The following SLC24A2 variants were observed in gnomAD, a reference collection of about 807,000 sequenced individuals.
SLC24A2 encodes sodium/potassium/calcium exchanger 2.
Under a neutral mutation model 62.0 loss-of-function variants are expected in SLC24A2, and 36 were observed. The observed-to-expected ratio is 0.58, with a 90% CI of 0.44 to 0.77. The LOEUF (loss-of-function observed/expected upper bound fraction) is 0.77, where lower values mean the gene tolerates loss of function less well. SLC24A2 is among the 30% of genes least tolerant of loss of function. SLC24A2 has a pLI of 0.00. For synonymous variants in SLC24A2, 358 were observed against 294.0 expected (o/e 1.22, Z -2.23); for missense variants, 846 against 817.9 (o/e 1.03, Z -0.42).
At chr9:20,277,737 T>G in the SLC24A2 span, among the ~76,000 whole-genome samples, 1 of 152,186 alleles carries the variant, frequency 6.6e-6, no homozygotes, top group East Asian at 1.9e-4. Context: ...CCATTACTGG[T>G]ATATACCCGA....
At chr9:19,573,801 T>G (rs1213236603) in intron 6 of SLC24A2, among the ~76,000 whole-genome samples, 1 of 152,160 alleles carries the variant, frequency 6.6e-6, no homozygotes, top group African/African-American at 2.4e-5. Flanking sequence ...TCCCATGATA[T>G]GCCTTTCTTG....
the SLC24A2 span, among the ~76,000 whole-genome samples, chr9:20,102,499 G>A: frequency 1.3e-5 from 2 of 151,410 alleles, no homozygotes; most frequent in African/African-American, 2.4e-5. Flanking sequence ...TGAGGGGGTG[G>A]GGGGGGAAGG....
At chr9:19,879,582 T>C in the SLC24A2 span, among the ~76,000 whole-genome samples, 1 of 152,136 alleles carries the variant, frequency 6.6e-6, no homozygotes, top group Non-Finnish European at 1.5e-5. Context: ...TGCCTCATAG[T>C]AGTAATAGTA....
the SLC24A2 span, among the ~76,000 whole-genome samples, chr9:19,815,173 A>T: frequency 6.6e-6 from 1 of 152,210 alleles, no homozygotes; most frequent in South Asian, 2.1e-4. Context: ...TGAGAGTAAG[A>T]GCTCTCTTGG....
intron 2 of SLC24A2, among the ~76,000 whole-genome samples, chr9:19,733,665 G>A (rs1268236200): frequency 6.6e-6 from 1 of 152,178 alleles, no homozygotes; most frequent in Admixed American, 6.5e-5. Flanking sequence ...AAGTTTTCTT[G>A]TTATAAAAAT....
At chr9:19,530,078 C>CAT (rs1833628522) in intron 8 of SLC24A2, among the ~76,000 whole-genome samples, 1 of 124,932 alleles carries the variant, frequency 8.0e-6, no homozygotes, top group African/African-American at 3.1e-5. Flanking sequence ...ATAAAAGCAG[C>CAT]TTTTTTTTTT....
intron 8 of SLC24A2, among the ~76,000 whole-genome samples, chr9:19,528,352 A>G (rs1285467619): frequency 6.6e-6 from 1 of 152,210 alleles, no homozygotes; most frequent in East Asian, 1.9e-4. Flanking sequence ...GAGTGATCAC[A>G]GTGCTGGCTC....
the SLC24A2 span, among the ~76,000 whole-genome samples, chr9:19,856,302 C>T: frequency 1.1e-4 from 16 of 152,296 alleles, no homozygotes; most frequent in Admixed American, 8.5e-4. Flanking sequence ...TGCATCTTAA[C>T]CTCAGCCCAG....
the SLC24A2 span, among the ~76,000 whole-genome samples, chr9:19,889,289 C>T: frequency 6.6e-6 from 1 of 152,186 alleles, no homozygotes; most frequent in Non-Finnish European, 1.5e-5. Flanking sequence ...TCCACCTGAA[C>T]TCCATTTCCT....
upstream of SLC24A2, among the ~76,000 whole-genome samples, chr9:19,793,772 A>C (rs1823346867): frequency 6.6e-6 from 1 of 152,182 alleles, no homozygotes; most frequent in Non-Finnish European, 1.5e-5. Flanking sequence ...TGCCTAACTA[A>C]GAATTAGTTG....
At chr9:19,555,480 T>C (rs560865576) in intron 7 of SLC24A2, among the ~76,000 whole-genome samples, 1 of 152,364 alleles carries the variant, frequency 6.6e-6, no homozygotes, top group Non-Finnish European at 1.5e-5. Flanking sequence ...AGTACTGTCA[T>C]TTCTCATCCT....
chr9:20,109,849 C>A, the SLC24A2 span, among the ~76,000 whole-genome samples: 6 of 152,044 alleles, frequency 3.9e-5, no homozygotes, highest in Admixed American at 6.6e-5. Context: ...ACAAATAATA[C>A]CAATCAAATT....
chr9:19,599,644 G>A lies in SLC24A2; in HGVS notation c.1079-2365C>T, dbSNP rs1039832832. Among the ~76,000 whole-genome samples the A allele has an allele frequency of 9.8e-5, 15 of 152,300 alleles. No individual in the cohort carries two copies. Among genetic ancestry groups the A allele is most frequent in the Admixed American group, 7.2e-4 (11 of 15,300 alleles). ...GGAGGATTGGGCAGCATCTCCAGGA[G>A]CCACAAGGCCCTCCTCCCTGAAGCA... is the stretch of plus-strand genomic sequence containing the variant. On this transcript the variant is annotated intron_variant, in intron 4 of 10. Transcript: ENST00000341998. The surrounding 1 kb of genome is among the most constrained non-coding windows in gnomAD (Gnocchi z 4.5).
the SLC24A2 span, among the ~76,000 whole-genome samples, chr9:20,270,904 T>C: frequency 6.6e-6 from 1 of 152,190 alleles, no homozygotes; most frequent in South Asian, 2.1e-4. Flanking sequence ...CTTAAATAAA[T>C]GGGGCACAGA....
At chr9:20,237,796 G>A in the SLC24A2 span, among the ~76,000 whole-genome samples, 1 of 152,142 alleles carries the variant, frequency 6.6e-6, no homozygotes, top group South Asian at 2.1e-4. Context: ...TTCATAGGCA[G>A]AGTCCTCCTT....
chr9:20,130,394 G>A, the SLC24A2 span, among the ~76,000 whole-genome samples: 2 of 152,024 alleles, frequency 1.3e-5, no homozygotes, highest in South Asian at 4.2e-4. Context: ...AGTTCAGCCT[G>A]GGTGGTCAAG....
the SLC24A2 span, among the ~76,000 whole-genome samples, chr9:20,154,393 A>G: frequency 6.6e-6 from 1 of 151,816 alleles, no homozygotes; most frequent in Non-Finnish European, 1.5e-5. Flanking sequence ...GGGACAGATG[A>G]AAAAGGAGGA....
the SLC24A2 span, among the ~76,000 whole-genome samples, chr9:20,012,601 C>T: frequency 1.3e-5 from 2 of 152,102 alleles, no homozygotes; most frequent in African/African-American, 2.4e-5. Flanking sequence ...AAAATTGTCT[C>T]TATTGGATGA....
the SLC24A2 span, among the ~76,000 whole-genome samples, chr9:19,830,379 A>C: frequency 6.6e-6 from 1 of 152,224 alleles, no homozygotes; most frequent in African/African-American, 2.4e-5. Flanking sequence ...ATGAGGCATT[A>C]TGTCAGATTT....
Sources: gnomAD v4.1 joint callset for allele counts (sites outside exome capture counted in the v4.1 genomes callset) on GRCh38, gnomAD v4.1.1 for gene constraint, Gnocchi (gnomAD v3.1) non-coding constraint, MANE v1.5 for transcripts, NCBI Gene and HGNC (gene_info 2026-07-23, HGNC 2026-07-21) for gene names.